The following GJD4 variants were observed in gnomAD, a reference collection of about 807,000 sequenced individuals.
GJD4 encodes gap junction protein delta 4, also known as gap junction delta-4 protein.
Under a neutral mutation model 17.9 loss-of-function variants are expected in GJD4, and 18 were observed. The ratio of observed to expected loss-of-function variants is 1.00; its 90% CI spans 0.69 to 1.49. GJD4 has a LOEUF of 1.49. GJD4 is among the 40% of genes most tolerant of loss of function. GJD4 has a pLI of 0.00. For missense variants in GJD4, 639 were observed against 506.9 expected (o/e 1.26, Z -2.50); for synonymous variants, 293 against 236.8 (o/e 1.24, Z -2.18).
rs1229638426 is a variant in GJD4 at position 35,607,566 on chromosome 10, C to T, written c.65-12C>T. 1.7e-5 allele frequency: 28 copies of T among 1,606,336 alleles called. No individual in the cohort carries two copies. Among genetic ancestry groups the T allele is most frequent in the Non-Finnish European group, 2.1e-5 (25 of 1,173,684 alleles). ...CGGGGTGATGAGGCCATGCCCGCTT[C>T]CTCTCTTCCAGGAAAGCTCTGGTTC... On this transcript the variant is annotated splice_polypyrimidine_tract_variant and intron_variant, in intron 1 of 1. Transcript: ENST00000321660.
At chr10:35,607,534 G>A in intron 1 of GJD4, 44 bp from the exon 2 acceptor site, 1 of 1,345,952 alleles carries the variant, frequency 7.4e-7, no homozygotes, top group Non-Finnish European at 1.1e-6. Context: ...ACTCAGGGCA[G>A]TGTATTCGGG....
rs1275474320 is a variant in GJD4, at chr10:35,607,424, AACAACAACAACG to A, written c.65-147_65-136del. 4.6e-6 allele frequency: 3 copies of A among 648,754 alleles called. No homozygotes were observed. The East Asian group carries it at 8.2e-5, about 18-fold the overall frequency. 40.2% of individuals were successfully genotyped at this position (648,754 alleles called of 1,614,324 possible). A position where few individuals can be genotyped will look rare whatever the true frequency, so the allele number is the denominator to read the frequency against. On this transcript the variant is annotated intron_variant, in intron 1 of 1. Transcript: ENST00000321660. The stretch of plus-strand genomic sequence containing the variant: ...AATATAGCACGACCCTGTGTCCAAC[AACAACAACAACG>A]ACAACACAAACAAACAGAAAACTAA...
In GJD4 at chr10:35,608,386, G is replaced by C. The variant is rs996180458; in HGVS notation, c.873G>C (p.Pro291=). ...GGGTGTCAGGGCACACGAAGATTCCGGATGAGGATGAGAGTGAGGTGACAT... is the reference window on the plus strand; with the variant it reads ...GGGTGTCAGGGCACACGAAGATTCCCGATGAGGATGAGAGTGAGGTGACAT... The part of the protein sequence containing the change: ...TSRVSGHTKI[P]DEDESEVTSS... The change falls in exon 2 of 2, where the codon CCG becomes CCC. Residue 291 remains proline (P), a synonymous_variant. Transcript: ENST00000321660. 2 of 1,551,048 alleles carry C rather than the reference G, an allele frequency of 1.3e-6. No homozygotes were observed. Among genetic ancestry groups the C allele is most frequent in the South Asian group, 2.4e-5 (2 of 84,118 alleles).
At position 35,608,792 on chromosome 10, in the gene GJD4, G is replaced by T. The variant is rs1424730802; in HGVS notation, c.*166G>T. The T allele has an allele frequency of 3.7e-6, 2 of 541,790 alleles. No homozygotes were observed. Among genetic ancestry groups the T allele is most frequent in the Non-Finnish European group, 6.3e-6 (2 of 315,798 alleles). The allele number at this position is 541,790 out of a possible 1,614,324, so 33.6% of individuals were successfully genotyped here. A position where few individuals can be genotyped will look rare whatever the true frequency, so the allele number is the denominator to read the frequency against. ...GTCTCTACAAAATATCTAAAAATTA[G>T]CTGGGCACAGTGGCTCCCTCCTGTA... is the stretch of plus-strand genomic sequence containing the variant. On this transcript the variant is annotated 3_prime_UTR_variant, in exon 2 of 2. Coordinates refer to ENST00000321660, the MANE Select transcript of GJD4 (RefSeq NM_153368.3).
At chr10:35,607,501 C>G in intron 1 of GJD4, 77 bp from the exon 2 acceptor site, 2 of 932,826 alleles carry the variant, frequency 2.1e-6, no homozygotes, top group East Asian at 5.2e-5. Flanking sequence ...AATCTCAGCC[C>G]CAATAGACAC....
Position 35,608,572 on chromosome 10 carries a change from T to C in GJD4, c.1059T>C (p.Pro353=). The change falls in exon 2 of 2, where the codon CCT becomes CCC. Residue 353 remains proline (P), a synonymous_variant. Transcript: ENST00000321660. ...SCSSLQPPDP[P]ASSSGAPHLR... ...GCAGCCTGCAGCCCCCTGACCCGCC[T>C]GCCAGCTCCAGTGGTGCTCCCCACC... 6.4e-7 allele frequency: 1 copy of C among 1,554,262 alleles called. No homozygotes were observed. The highest frequency in any genetic ancestry group is 8.7e-7 in the Non-Finnish European group (1 of 1,153,536).
intron 1 of GJD4, chr10:35,606,044 G>A (rs625042): frequency 0.9 from 139,573 of 155,800 alleles, 62,826 homozygotes; most frequent in East Asian, 0.96. Flanking sequence ...TGGAAGCTTG[G>A]TTTTTTTTTT....
At chr10:35,606,487 A>T (rs1835455545) in intron 1 of GJD4, 1 of 152,234 alleles carries the variant, frequency 6.6e-6, no homozygotes, top group South Asian at 2.1e-4. Flanking sequence ...TATGGGGGTC[A>T]GAAAAGGATG....
intron 1 of GJD4, 182 bp downstream of exon 1, chr10:35,605,813 T>C: frequency 3.3e-6 from 2 of 604,112 alleles, no homozygotes; most frequent in East Asian, 2.8e-5. Context: ...CTGAGGCTTC[T>C]AGTTTCTTTG....
Position 35,607,661 on chromosome 10 carries a change from G to T in GJD4, c.148G>T (p.Glu50Ter), listed in dbSNP as rs768467143. ...AGRPVYQDEQERFVCNTLQPG... is the reference protein window; with the variant it reads ...AGRPVYQDEQ ...GCGACCCGTCTACCAGGACGAGCAGGAGAGGTTTGTCTGCAACACGCTGCA... is the reference window on the plus strand; with the variant it reads ...GCGACCCGTCTACCAGGACGAGCAGTAGAGGTTTGTCTGCAACACGCTGCA... Residue 50 changes from glutamate (E) to a stop codon, truncating the protein, a stop_gained, in exon 2 of 2, where the codon GAG becomes TAG. Coordinates refer to ENST00000321660, the MANE Select transcript of GJD4 (RefSeq NM_153368.3). LOFTEE classifies it low-confidence loss of function (END_TRUNC). 5.6e-6 allele frequency: 9 copies of T among 1,614,222 alleles called. No homozygotes were observed. In the South Asian group the frequency reaches 9.9e-5, roughly 18 times the overall value.
At position 35,605,342 on chromosome 10, in the gene GJD4, G is replaced by C. The variant is rs1835441484; in HGVS notation, c.-226G>C. The C allele has an allele frequency of 3.4e-6, 2 of 589,658 alleles. No individual in the cohort carries two copies. Among genetic ancestry groups the C allele is most frequent in the Non-Finnish European group, 6.0e-6 (2 of 332,726 alleles). 36.5% of individuals were successfully genotyped at this position (589,658 alleles called of 1,614,324 possible). A position where few individuals can be genotyped will look rare whatever the true frequency, so the allele number is the denominator to read the frequency against. The stretch of plus-strand genomic sequence containing the variant: ...GAGATGACTGCTGCTTGCTCTGCTG[G>C]TCACTGCAGTTGTCAGGAATGTTTC... On this transcript the variant is annotated 5_prime_UTR_variant, in exon 1 of 2. Transcript: ENST00000321660.
chr10:35,608,935 C>CAAAAAAAAAAAAAAA (rs3067572), downstream of GJD4: 1 of 58,368 alleles, frequency 1.7e-5, no homozygotes, highest in African/African-American at 6.7e-5. Flanking sequence ...GAGACCCTGT[C>CAAAAAAAAAAAAAAA]AAAAAAAAAA....
intron 1 of GJD4, chr10:35,606,590 A>G (rs1308029937): frequency 6.6e-6 from 1 of 152,158 alleles, no homozygotes; most frequent in South Asian, 2.1e-4. Context: ...CAACTCAATG[A>G]CTCATCACAT....
In GJD4 at chr10:35,607,779, C is replaced by T. The variant is rs1835475396; in HGVS notation, c.266C>T (p.Ser89Phe). 1 of 1,608,070 alleles carries T rather than the reference C, an allele frequency of 6.2e-7. No individual in the cohort carries two copies. Among genetic ancestry groups the T allele is most frequent in the African/African-American group, 1.3e-5 (1 of 74,946 alleles). ...CAGGGCGTGTGCGTCCTCCTCCCCT[C>T]CGCCGTCTTCAGCGTCTATGTCCTG... ...LIQGVCVLLP[S>F]AVFSVYVLHR... Residue 89 changes from serine (S) to phenylalanine (F), a missense_variant, in exon 2 of 2, where the codon TCC becomes TTC. Coordinates refer to ENST00000321660, the MANE Select transcript of GJD4 (RefSeq NM_153368.3).
intron 1 of GJD4, chr10:35,606,044 G>GTT: frequency 6.4e-6 from 1 of 155,664 alleles, no homozygotes. Context: ...TGGAAGCTTG[G>GTT]TTTTTTTTTT....
At chr10:35,605,935 G>A in intron 1 of GJD4, 1 of 386,210 alleles carries the variant, frequency 2.6e-6, no homozygotes, top group Non-Finnish European at 4.6e-6. Context: ...CAAAGCAGGT[G>A]GAGGGGTGTT....
In GJD4 at chr10:35,608,460, G is replaced by T. The variant is rs560919389; in HGVS notation, c.947G>T (p.Arg316Leu). ...AGACAGCCCCGGGGCAGGCCCCACC[G>T]AGAGGCCGCCCAGGACCCCAGGGGC... ...LGRQPRGRPHREAAQDPRGSG... is the reference protein window; with the variant it reads ...LGRQPRGRPHLEAAQDPRGSG... The change falls in exon 2 of 2, where the codon CGA becomes CTA. Residue 316 changes from arginine to leucine, a missense_variant. Transcript: ENST00000321660. The T allele has an allele frequency of 2.8e-4, 431 of 1,548,236 alleles. No individual in the cohort carries two copies. The highest frequency in any genetic ancestry group is 3.6e-4 in the Non-Finnish European group (410 of 1,146,900).
In GJD4 at chr10:35,608,752, C is replaced by A; in HGVS notation, c.*126C>A. 1.5e-6 allele frequency: 1 copy of A among 646,392 alleles called. No homozygotes were observed. The allele number at this position is 646,392 out of a possible 1,614,324, so 40.0% of individuals were successfully genotyped here. A position where few individuals can be genotyped will look rare whatever the true frequency, so the allele number is the denominator to read the frequency against. ...AAGAGTTTGAGACCAGCCTGGACAA[C>A]ATAATGAGACCCTCGTCTCTACAAA... On this transcript the variant is annotated 3_prime_UTR_variant, in exon 2 of 2. Coordinates refer to ENST00000321660, the MANE Select transcript of GJD4 (RefSeq NM_153368.3).
At chr10:35,607,120 T>A (rs915948774) in intron 1 of GJD4, 3 of 154,080 alleles carry the variant, frequency 1.9e-5, no homozygotes, top group Non-Finnish European at 4.3e-5. Context: ...AGCCAAACTT[T>A]CTTTCTGGAC....
Sources: gnomAD v4.1 joint callset for allele counts on GRCh38, gnomAD v4.1.1 for gene constraint, MANE v1.5 for transcripts, NCBI Gene and HGNC (gene_info 2026-07-23, HGNC 2026-07-21) for gene names.